The following FANCC variants were observed in gnomAD, a reference collection of about 807,000 sequenced individuals.
FANCC encodes the protein Fanconi anemia group C protein.
Under a neutral mutation model 71.3 loss-of-function variants are expected in FANCC, and 55 were observed. The observed-to-expected ratio is 0.77, with a 90% CI of 0.62 to 0.97. The LOEUF (loss-of-function observed/expected upper bound fraction) is 0.97, where lower values mean the gene tolerates loss of function less well. Among genes scored for constraint, FANCC ranks in the 50% least tolerant of loss-of-function variants. The probability of loss-of-function intolerance (pLI) is 0.00; values close to 1 mark genes in which losing one functional copy is unlikely to be tolerated. For missense variants in FANCC, 678 were observed against 670.9 expected (o/e 1.01, Z -0.12); for synonymous variants, 275 against 244.9 (o/e 1.12, Z -1.15).
chr9:95,131,334 T>C (rs1826882642), intron 8 of FANCC, among the ~76,000 whole-genome samples: 1 of 152,204 alleles, frequency 6.6e-6, no homozygotes, highest in South Asian at 2.1e-4. Context: ...GGAAGAAAGC[T>C]CCTCAGCCCC....
intron 1 of FANCC, among the ~76,000 whole-genome samples, chr9:95,286,065 G>A (rs985907672): frequency 1.3e-5 from 2 of 152,140 alleles, no homozygotes; most frequent in African/African-American, 2.4e-5. Context: ...AGACTTAAAT[G>A]TAAGACTATA....
chr9:95,139,853 A>AAAT (rs1828354333), intron 7 of FANCC, among the ~76,000 whole-genome samples: 1 of 144,424 alleles, frequency 6.9e-6, no homozygotes, highest in Non-Finnish European at 1.5e-5. Flanking sequence ...TATATATATA[A>AAAT]ATATATATAT....
At chr9:95,192,694 T>G (rs1191879618) in intron 4 of FANCC, among the ~76,000 whole-genome samples, 1 of 152,216 alleles carries the variant, frequency 6.6e-6, no homozygotes, top group Non-Finnish European at 1.5e-5. Context: ...TACAGAAATT[T>G]CAGAGACATA....
chr9:95,131,193 T>C (rs770644973), intron 8 of FANCC, among the ~76,000 whole-genome samples: 1 of 152,218 alleles, frequency 6.6e-6, no homozygotes, highest in African/African-American at 2.4e-5. Flanking sequence ...AAATGTACTT[T>C]TGCGTCTTAA....
At position 95,184,768 on chromosome 9, in the gene FANCC, C is replaced by T. The variant is rs144812865; in HGVS notation, c.346-12621G>A. ...GAAAATTATAGAAATAAACAGGCAG[C>T]ATCATTCTGTTTATATAAAGTTCAA... On this transcript the variant is annotated intron_variant, in intron 4 of 14. Transcript: ENST00000289081. 3.6e-3 allele frequency among the ~76,000 whole-genome samples: 548 copies of T among 152,324 alleles called. 4 individuals carry two copies. The highest frequency in any genetic ancestry group is 0.012 in the African/African-American group (490 of 41,576).
intron 6 of FANCC, among the ~76,000 whole-genome samples, chr9:95,165,224 G>GT: frequency 6.6e-6 from 1 of 150,984 alleles, no homozygotes; most frequent in Non-Finnish European, 1.5e-5. Context: ...CCAACTCTTA[G>GT]TTTTTTCTTC....
At position 95,204,240 on chromosome 9, in the gene FANCC, T is replaced by C. The variant is rs988971554; in HGVS notation, c.346-32093A>G. Among the ~76,000 whole-genome samples the C allele has an allele frequency of 3.3e-5, 5 of 152,190 alleles. No homozygotes were observed. The South Asian group carries it at 6.2e-4, about 19-fold the overall frequency. ...CCACAAAAAACAATACATAGAACAT[T>C]TAGTCTTCTAGGCGTCCATTACTCA... On this transcript the variant is annotated intron_variant, in intron 4 of 14. Coordinates refer to ENST00000289081, the MANE Select transcript of FANCC (RefSeq NM_000136.3).
chr9:95,295,587 A>G (rs1834316454), intron 1 of FANCC, among the ~76,000 whole-genome samples: 1 of 152,126 alleles, frequency 6.6e-6, no homozygotes. Flanking sequence ...CCTAGGCAAC[A>G]GAGCAAAACC....
chr9:95,310,381 A>T (rs1249316502), intron 1 of FANCC, among the ~76,000 whole-genome samples: 2 of 151,388 alleles, frequency 1.3e-5, no homozygotes, highest in African/African-American at 4.9e-5. Context: ...AAAAAAAAAA[A>T]GGAGGGGGGG....
intron 1 of FANCC, among the ~76,000 whole-genome samples, chr9:95,299,868 T>C (rs1387947077): frequency 2.6e-5 from 4 of 152,050 alleles, no homozygotes; most frequent in Non-Finnish European, 5.9e-5. Context: ...CTCAAATGCA[T>C]GCGCACACAC....
chr9:95,317,339 A>C (rs1364827307), intron 1 of FANCC, 187 bp downstream of exon 1: 1 of 104,446 alleles, frequency 9.6e-6, no homozygotes, highest in Non-Finnish European at 1.8e-5. Flanking sequence ...CTCCCGCCTC[A>C]GCCTTAGCCA....
intron 4 of FANCC, among the ~76,000 whole-genome samples, chr9:95,187,293 C>T (rs1191480077): frequency 1.3e-5 from 2 of 152,146 alleles, no homozygotes; most frequent in Non-Finnish European, 2.9e-5. Flanking sequence ...TGCGTAACCC[C>T]AGTTCCTGGG....
intron 1 of FANCC, among the ~76,000 whole-genome samples, chr9:95,251,221 G>A (rs1406415155): frequency 2.0e-5 from 3 of 152,170 alleles, no homozygotes; most frequent in African/African-American, 7.2e-5. Context: ...CTGAATTAAG[G>A]AATGAATAAT....
intron 1 of FANCC, among the ~76,000 whole-genome samples, chr9:95,259,671 CA>C (rs1417630981): frequency 2.0e-5 from 3 of 152,086 alleles, no homozygotes; most frequent in Admixed American, 6.5e-5. Flanking sequence ...GCAATGGCAA[CA>C]AAAGCTAAAA....
At chr9:95,269,583 A>C (rs1445496433) in intron 1 of FANCC, among the ~76,000 whole-genome samples, 3 of 152,208 alleles carry the variant, frequency 2.0e-5, no homozygotes, top group African/African-American at 4.8e-5. Context: ...AACATATAGA[A>C]TACAACTGAA....
chr9:95,153,584 T>C (rs1183546050), intron 6 of FANCC, among the ~76,000 whole-genome samples: 3 of 152,216 alleles, frequency 2.0e-5, no homozygotes, highest in Non-Finnish European at 1.5e-5. Flanking sequence ...ATTCGTGATG[T>C]TGAGCATTTT....
At chr9:95,269,603 C>A (rs546487707) in intron 1 of FANCC, among the ~76,000 whole-genome samples, 1 of 152,156 alleles carries the variant, frequency 6.6e-6, no homozygotes, top group African/African-American at 2.4e-5. Context: ...AGGCAAAGAG[C>A]GGGTTCTTTC....
chr9:95,153,434 A>G (rs1437219598), intron 6 of FANCC, among the ~76,000 whole-genome samples: 1 of 152,134 alleles, frequency 6.6e-6, no homozygotes, highest in Non-Finnish European at 1.5e-5. Flanking sequence ...ACTGTTTTCC[A>G]TAGAGGTTGC....
At chr9:95,176,734 G>C (rs762424142) in intron 4 of FANCC, among the ~76,000 whole-genome samples, 1 of 152,268 alleles carries the variant, frequency 6.6e-6, no homozygotes, top group African/African-American at 2.4e-5. Context: ...TAAAAAATTA[G>C]AGCGCAAGGC....
Sources: allele counts gnomAD v4.1 joint callset (sites outside exome capture counted in the v4.1 genomes callset), GRCh38; gene constraint gnomAD v4.1.1; transcripts MANE v1.5; gene names NCBI Gene and HGNC (gene_info 2026-07-23, HGNC 2026-07-21).